RSPO2: variants seen among roughly 807,000 people sequenced by gnomAD.
RSPO2 encodes R-spondin-2.
In RSPO2, 14 loss-of-function variants were observed where a neutral mutation model predicts 30.9. The ratio of observed to expected loss-of-function variants is 0.45; its 90% CI spans 0.30 to 0.71. RSPO2 has a LOEUF of 0.71. Ranked by LOEUF, RSPO2 falls within the 30% of genes least tolerant of loss-of-function variation. RSPO2 has a pLI of 0.08. For synonymous variants in RSPO2, 107 were observed against 96.4 expected, an observed-to-expected ratio of 1.11 and a Z score of -0.64; for missense variants, 264 against 301.9, an observed-to-expected ratio of 0.87 and a Z score of 0.93.
At chr8:108,062,479 T>G (rs1449054051) in intron 2 of RSPO2, among the ~76,000 whole-genome samples, 1 of 151,678 alleles carries the variant, frequency 6.6e-6, no homozygotes, top group Non-Finnish European at 1.5e-5. Context: ...CTCCCAAGAC[T>G]AAACCAGGAA....
At chr8:107,974,512 T>G (rs1282805100) in intron 3 of RSPO2, among the ~76,000 whole-genome samples, 1 of 152,072 alleles carries the variant, frequency 6.6e-6, no homozygotes, top group Non-Finnish European at 1.5e-5. Flanking sequence ...AGACCTTGTC[T>G]TAACCAAAAG....
At chr8:108,061,719 C>G (rs528654374) in intron 2 of RSPO2, among the ~76,000 whole-genome samples, 3 of 151,928 alleles carry the variant, frequency 2.0e-5, no homozygotes, top group Non-Finnish European at 4.4e-5. Flanking sequence ...CACCCCAAAT[C>G]AACAGAATAT....
At chr8:107,967,745 G>C (rs1813855337) in intron 3 of RSPO2, among the ~76,000 whole-genome samples, 1 of 152,086 alleles carries the variant, frequency 6.6e-6, no homozygotes, top group South Asian at 2.1e-4. Context: ...GTCAAATGCA[G>C]AACAGGACAC....
chr8:108,014,421 A>G (rs1810809165), intron 2 of RSPO2, among the ~76,000 whole-genome samples: 1 of 152,212 alleles, frequency 6.6e-6, no homozygotes, highest in African/African-American at 2.4e-5. Context: ...ACTGTTCACA[A>G]TAGCAAAGAC....
rs79141886 is a variant in RSPO2, at chr8:107,973,757, G to A, written c.284-12940C>T. Among the ~76,000 whole-genome samples, 84 of 152,134 alleles carry A rather than the reference G, an allele frequency of 5.5e-4. No homozygotes were observed. In the East Asian group the frequency reaches 0.016, roughly 29 times the overall value. On this transcript the variant is annotated intron_variant, in intron 3 of 5. Transcript: ENST00000276659. Reference sequence around the variant, plus strand: ...AAGCCTTGCAAGAATATAACTACTTGCCTTACTGCCCATCCCTTCCTTTTT... The same window carrying A: ...AAGCCTTGCAAGAATATAACTACTTACCTTACTGCCCATCCCTTCCTTTTT...
At position 107,963,432 on chromosome 8, in the gene RSPO2, G is replaced by T. The variant is rs570310329; in HGVS notation, c.284-2615C>A. ...CCCAGCTACCTGGGGGCTGAAGCAG[G>T]AGGATCACTTGAGCCCAGAAAGTCA... On this transcript the variant is annotated intron_variant, in intron 3 of 5. Coordinates refer to ENST00000276659, the MANE Select transcript of RSPO2 (RefSeq NM_178565.5). Among the ~76,000 whole-genome samples the T allele has an allele frequency of 1.6e-4, 23 of 144,996 alleles. No individual in the cohort carries two copies. In the East Asian group the frequency reaches 4.4e-3, roughly 28 times the overall value.
chr8:108,058,650 A>C (rs1236032314), intron 2 of RSPO2, among the ~76,000 whole-genome samples: 2 of 151,972 alleles, frequency 1.3e-5, no homozygotes, highest in African/African-American at 4.9e-5. Context: ...CAAAACAGAG[A>C]TATAGATCAA....
intron 5 of RSPO2, among the ~76,000 whole-genome samples, chr8:107,926,143 C>A (rs1023236792): frequency 2.0e-4 from 31 of 151,324 alleles, no homozygotes; most frequent in African/African-American, 7.5e-4. Flanking sequence ...ATTTGCATTT[C>A]TCTGATGGCC....
chr8:107,929,659 G>A (rs932036156), intron 5 of RSPO2, among the ~76,000 whole-genome samples: 1 of 152,050 alleles, frequency 6.6e-6, no homozygotes, highest in African/African-American at 2.4e-5. Flanking sequence ...AATTGCTGAA[G>A]GATACTTTAA....
chr8:107,905,109 A>G (rs1811595802), intron 5 of RSPO2, among the ~76,000 whole-genome samples: 1 of 152,094 alleles, frequency 6.6e-6, no homozygotes, highest in Non-Finnish European at 1.5e-5. Flanking sequence ...CTCCACTGCC[A>G]GTCAGACAGT....
At chr8:107,998,981 T>C (rs912152354) in intron 2 of RSPO2, among the ~76,000 whole-genome samples, 1 of 152,134 alleles carries the variant, frequency 6.6e-6, no homozygotes, top group Non-Finnish European at 1.5e-5. Flanking sequence ...GAAGCAGAAG[T>C]TGCAGTGAGT....
At chr8:107,990,335 A>T (rs1320814969) in intron 2 of RSPO2, among the ~76,000 whole-genome samples, 1 of 152,166 alleles carries the variant, frequency 6.6e-6, no homozygotes, top group African/African-American at 2.4e-5. Flanking sequence ...ACACCTTAAA[A>T]TGAGACGCAA....
At chr8:107,956,364 A>C (rs1813434341) in intron 5 of RSPO2, among the ~76,000 whole-genome samples, 1 of 152,224 alleles carries the variant, frequency 6.6e-6, no homozygotes, top group Non-Finnish European at 1.5e-5. Flanking sequence ...CTTCAGTAAG[A>C]ATTAAATCAG....
intron 5 of RSPO2, among the ~76,000 whole-genome samples, chr8:107,919,235 T>G (rs1812078358): frequency 6.6e-6 from 1 of 152,120 alleles, no homozygotes; most frequent in African/African-American, 2.4e-5. Context: ...TATTAAGATT[T>G]AAGGTGTTAT....
chr8:108,069,902 T>C (rs1812786836), intron 2 of RSPO2, among the ~76,000 whole-genome samples: 1 of 152,172 alleles, frequency 6.6e-6, no homozygotes, highest in African/African-American at 2.4e-5. Context: ...CCAGATAGTA[T>C]TAATAAAATT....
intron 5 of RSPO2, among the ~76,000 whole-genome samples, chr8:107,902,941 A>AG (rs1811524452): frequency 6.6e-6 from 1 of 152,152 alleles, no homozygotes; most frequent in Non-Finnish European, 1.5e-5. Flanking sequence ...CTTGAAACGT[A>AG]GTTAATCCTA....
chr8:107,909,986 A>T (rs914966594), intron 5 of RSPO2, among the ~76,000 whole-genome samples: 1 of 152,158 alleles, frequency 6.6e-6, no homozygotes, highest in African/African-American at 2.4e-5. Context: ...ATTAACTCAA[A>T]ATAAATGCAG....
intron 2 of RSPO2, among the ~76,000 whole-genome samples, chr8:108,041,775 A>G (rs1330655318): frequency 1.3e-5 from 2 of 152,076 alleles, no homozygotes; most frequent in Non-Finnish European, 2.9e-5. Context: ...CCAATGATGG[A>G]AAAAGAGGCT....
At chr8:107,929,873 A>G (rs1388255236) in intron 5 of RSPO2, among the ~76,000 whole-genome samples, 1 of 152,194 alleles carries the variant, frequency 6.6e-6, no homozygotes, top group Non-Finnish European at 1.5e-5. Flanking sequence ...AAGTAACAGT[A>G]TAAGGCACAA....
Sources: allele counts gnomAD v4.1 joint callset (sites outside exome capture counted in the v4.1 genomes callset), GRCh38; gene constraint gnomAD v4.1.1; transcripts MANE v1.5; gene names NCBI Gene and HGNC (gene_info 2026-07-23, HGNC 2026-07-21).